CTNNA2: variants seen among roughly 807,000 people sequenced by gnomAD.
The protein encoded by CTNNA2 is catenin alpha 2, also known as catenin alpha-2.
CTNNA2 carries 42 observed loss-of-function variants against 101.0 expected under a neutral mutation model. That is an observed-to-expected ratio of 0.42 (90% confidence interval 0.32 to 0.54). The LOEUF is 0.54. CTNNA2 is among the 20% of genes least tolerant of loss of function. The pLI, the probability that CTNNA2 is intolerant of heterozygous loss-of-function variation, is 0.14. For missense variants in CTNNA2, 871 were observed against 1,223.1 expected (o/e 0.71, Z 4.29); for synonymous variants, 450 against 456.4 (o/e 0.99, Z 0.18).
chr2:80,096,913 A>G (rs1223763716), intron 7 of CTNNA2, among the ~76,000 whole-genome samples: 1 of 151,850 alleles, frequency 6.6e-6, no homozygotes, highest in African/African-American at 2.4e-5. Flanking sequence ...TGCATGTGAG[A>G]TGGGTCTCCT....
chr2:79,900,798 A>C (rs529715214), intron 6 of CTNNA2, among the ~76,000 whole-genome samples: 2 of 152,354 alleles, frequency 1.3e-5, no homozygotes, highest in South Asian at 4.1e-4. Flanking sequence ...CTAAAAGAGT[A>C]TAATGGGAAT....
chr2:80,187,866 A>G (rs1007655871), intron 7 of CTNNA2, among the ~76,000 whole-genome samples: 1 of 151,868 alleles, frequency 6.6e-6, no homozygotes, highest in Non-Finnish European at 1.5e-5. Context: ...CACTCCTTTT[A>G]TCCTCACCTT....
In CTNNA2 at chr2:80,026,029, G is replaced by C. The variant is rs186303379; in HGVS notation, c.1056+116232G>C. On this transcript the variant is annotated intron_variant, in intron 7 of 18. Transcript: ENST00000402739. ...ACATAACAGGGATGTGTGTCACAGC[G>C]GGGAAGGGGGAAGAGGGTGAGCTGG... Among the ~76,000 whole-genome samples the C allele has an allele frequency of 3.8e-4, 58 of 152,134 alleles. No individual in the cohort carries two copies. The East Asian group carries it at 0.011, about 28-fold the overall frequency.
intron 7 of CTNNA2, chr2:80,298,399 T>G (rs1347525343): frequency 6.6e-6 from 1 of 152,214 alleles, no homozygotes. Flanking sequence ...TTGATAATTT[T>G]CTCTGTGAGA....
intron 3 of CTNNA2, among the ~76,000 whole-genome samples, chr2:79,318,138 G>A (rs776307104): frequency 2.0e-5 from 3 of 151,884 alleles, no homozygotes; most frequent in East Asian, 1.9e-4. Context: ...TAAATACTTC[G>A]ATTGTATTGA....
At chr2:80,592,908 G>A (rs1020717383) in intron 15 of CTNNA2, among the ~76,000 whole-genome samples, 3 of 152,084 alleles carry the variant, frequency 2.0e-5, no homozygotes, top group African/African-American at 7.2e-5. Flanking sequence ...TTCATAAATG[G>A]TGATGTGACA....
chr2:80,365,473 A>T (rs541660624), intron 7 of CTNNA2, among the ~76,000 whole-genome samples: 15 of 152,066 alleles, frequency 9.9e-5, no homozygotes, highest in Non-Finnish European at 1.9e-4. Flanking sequence ...TTAAAAATGT[A>T]CTCATCAAAA....
chr2:79,670,580 T>C (rs1682769109), intron 2 of CTNNA2, among the ~76,000 whole-genome samples: 1 of 152,198 alleles, frequency 6.6e-6, no homozygotes, highest in Non-Finnish European at 1.5e-5. Context: ...TAATAATAAT[T>C]GTGGTTTACC....
chr2:79,698,453 A>G (rs1684785163), intron 2 of CTNNA2, among the ~76,000 whole-genome samples: 1 of 146,776 alleles, frequency 6.8e-6, no homozygotes, highest in Admixed American at 6.6e-5. Flanking sequence ...TGAAATAGTG[A>G]CACAGTGTGT....
intron 7 of CTNNA2, among the ~76,000 whole-genome samples, chr2:79,973,802 C>T (rs533179621): frequency 3.3e-5 from 5 of 152,212 alleles, no homozygotes; most frequent in South Asian, 2.1e-4. Context: ...GTACCAAGGG[C>T]GAAACCAGTG....
chr2:79,295,803 T>G (rs72917245), intron 2 of CTNNA2, among the ~76,000 whole-genome samples: 1 of 148,698 alleles, frequency 6.7e-6, no homozygotes, highest in African/African-American at 2.5e-5. Flanking sequence ...AACTCTTTCT[T>G]CTTCCTAAAA....
At chr2:80,179,867 T>A (rs562287433) in intron 7 of CTNNA2, among the ~76,000 whole-genome samples, 2 of 152,318 alleles carry the variant, frequency 1.3e-5, no homozygotes, top group South Asian at 4.1e-4. Context: ...TTCTGCCAGC[T>A]GTTAAGTATG....
intron 3 of CTNNA2, among the ~76,000 whole-genome samples, chr2:79,342,650 C>T (rs998541770): frequency 9.2e-5 from 14 of 152,166 alleles, no homozygotes; most frequent in African/African-American, 3.1e-4. Context: ...ATACACTACT[C>T]ATAATTAAAC....
intron 3 of CTNNA2, among the ~76,000 whole-genome samples, chr2:79,350,809 G>A (rs1244936310): frequency 1.3e-5 from 2 of 152,012 alleles, no homozygotes; most frequent in Non-Finnish European, 2.9e-5. Flanking sequence ...GTTGTTTTTT[G>A]ACTTACTAAT....
intron 3 of CTNNA2, among the ~76,000 whole-genome samples, chr2:79,338,581 T>A (rs1233344300): frequency 3.6e-5 from 4 of 110,836 alleles, no homozygotes; most frequent in Non-Finnish European, 5.4e-5. Context: ...CCTCATCATC[T>A]TCTTCTTCTT....
chr2:79,848,986 AC>A (rs1442271091), intron 3 of CTNNA2, among the ~76,000 whole-genome samples: 1 of 150,672 alleles, frequency 6.6e-6, no homozygotes, highest in Non-Finnish European at 1.5e-5. Flanking sequence ...CCCACCAACC[AC>A]CTGACCACGG....
intron 4 of CTNNA2, among the ~76,000 whole-genome samples, chr2:79,447,982 G>A (rs1325159842): frequency 2.0e-5 from 3 of 152,086 alleles, no homozygotes; most frequent in Non-Finnish European, 4.4e-5. Context: ...TCTGTGGTAG[G>A]AATGGGGAAA....
chr2:80,111,476 A>T (rs1219939078), intron 7 of CTNNA2, among the ~76,000 whole-genome samples: 1 of 152,166 alleles, frequency 6.6e-6, no homozygotes, highest in Non-Finnish European at 1.5e-5. Context: ...ACATTTACTT[A>T]TATATAGAAT....
intron 3 of CTNNA2, among the ~76,000 whole-genome samples, chr2:79,317,817 A>G (rs548605717): frequency 8.7e-4 from 132 of 152,244 alleles, no homozygotes; most frequent in African/African-American, 3.1e-3. Context: ...ATGTTAATAC[A>G]TTAATATAGT....
Sources: gnomAD v4.1 joint callset for allele counts (sites outside exome capture counted in the v4.1 genomes callset) on GRCh38, gnomAD v4.1.1 for gene constraint, MANE v1.5 for transcripts, NCBI Gene and HGNC (gene_info 2026-07-23, HGNC 2026-07-21) for gene names.